FAR1: variants seen among roughly 807,000 people sequenced by gnomAD.
FAR1 encodes the protein male sterility domain-containing protein 2.
In FAR1, 22 loss-of-function variants were observed where a neutral mutation model predicts 61.1. That is an observed-to-expected ratio of 0.36 (90% confidence interval 0.26 to 0.51). The LOEUF is 0.51. Among genes scored for constraint, FAR1 ranks in the 20% least tolerant of loss-of-function variants. The probability of loss-of-function intolerance (pLI) is 0.95; values close to 1 mark genes in which losing one functional copy is unlikely to be tolerated. For synonymous variants in FAR1, 206 were observed against 209.7 expected, an observed-to-expected ratio of 0.98 and a Z score of 0.15; for missense variants, 359 against 626.9, an observed-to-expected ratio of 0.57 and a Z score of 4.56.
chr11:13,720,233 A>G (rs1036413372), intron 9 of FAR1: 1 of 152,186 alleles, frequency 6.6e-6, no homozygotes, highest in African/African-American at 2.4e-5. Flanking sequence ...TCAGTGAACA[A>G]GAGTTAAGAA....
intron 8 of FAR1, 32 bp from the exon 9 acceptor site, chr11:13,714,477 A>G: frequency 6.3e-7 from 1 of 1,576,066 alleles, no homozygotes; most frequent in Non-Finnish European, 8.6e-7. Context: ...CATGGTTATT[A>G]TCAAAGCTGT....
intron 3 of FAR1, among the ~76,000 whole-genome samples, chr11:13,704,448 T>C (rs919794936): frequency 1.3e-5 from 2 of 152,166 alleles, no homozygotes; most frequent in African/African-American, 4.8e-5. Flanking sequence ...TATCAAACTT[T>C]AGAATGTATT....
Position 13,721,928 on chromosome 11 carries a change from T to C in FAR1, c.1257+69T>C. Reference sequence around the variant, plus strand: ...ACTAATTACAGAACTATTAGCAACCTGAGAAATATTTTCCACAGCTATTAT... The same window carrying C: ...ACTAATTACAGAACTATTAGCAACCCGAGAAATATTTTCCACAGCTATTAT... On this transcript the variant is annotated intron_variant, in intron 10 of 11. Transcript: ENST00000354817. This position sits in a 1 kb window ranked among gnomAD's most constrained non-coding sequence, Gnocchi z 4.2. The C allele has an allele frequency of 7.7e-7, 1 of 1,306,140 alleles. No homozygotes were observed. Among genetic ancestry groups the C allele is most frequent in the Non-Finnish European group, 1.0e-6 (1 of 952,724 alleles). 80.9% of individuals were successfully genotyped at this position (1,306,140 alleles called of 1,614,324 possible). A position where few individuals can be genotyped will look rare whatever the true frequency, so the allele number is the denominator to read the frequency against.
chr11:13,675,810 A>G (rs1009799661), intron 1 of FAR1, among the ~76,000 whole-genome samples: 11 of 152,216 alleles, frequency 7.2e-5, no homozygotes, highest in African/African-American at 2.7e-4. Context: ...CTTGTCTTAC[A>G]TGAAATTTTT....
intron 10 of FAR1, among the ~76,000 whole-genome samples, chr11:13,722,335 G>GACT (rs1848618555): frequency 6.6e-6 from 1 of 152,108 alleles, no homozygotes; most frequent in Admixed American, 6.5e-5. Context: ...ATCTAACACA[G>GACT]ACTAAGTTAA....
intron 1 of FAR1, among the ~76,000 whole-genome samples, chr11:13,683,780 A>G (rs1327608883): frequency 6.6e-6 from 1 of 152,210 alleles, no homozygotes; most frequent in East Asian, 1.9e-4. Flanking sequence ...TTCCAGGTAT[A>G]GCTATAGGTG....
intron 10 of FAR1, among the ~76,000 whole-genome samples, chr11:13,725,632 G>A (rs1169979300): frequency 6.6e-6 from 1 of 152,136 alleles, no homozygotes; most frequent in Non-Finnish European, 1.5e-5. Flanking sequence ...ATGTACTCTA[G>A]TGAGTTCCTG....
chr11:13,672,450 G>C (rs571660909), intron 1 of FAR1, among the ~76,000 whole-genome samples: 2 of 151,894 alleles, frequency 1.3e-5, no homozygotes, highest in African/African-American at 4.8e-5. Flanking sequence ...CAGCTACTTG[G>C]GGGGCTGAGA....
At chr11:13,678,724 C>T (rs7129719) in intron 1 of FAR1, among the ~76,000 whole-genome samples, 83,597 of 151,492 alleles carry the variant, frequency 0.55, 23,321 homozygotes, top group Non-Finnish European at 0.58. Context: ...TTTAGTGGGT[C>T]TTTTTTTTGT....
chr11:13,672,388 CA>C (rs34030723), intron 1 of FAR1, among the ~76,000 whole-genome samples: 443 of 128,720 alleles, frequency 3.4e-3, no homozygotes, highest in Non-Finnish European at 4.0e-3. Flanking sequence ...CTTTTCTATC[CA>C]AAAAAAAAAA....
At chr11:13,682,433 C>G (rs1419277463) in intron 1 of FAR1, among the ~76,000 whole-genome samples, 1 of 152,066 alleles carries the variant, frequency 6.6e-6, no homozygotes, top group African/African-American at 2.4e-5. Flanking sequence ...CAGCCACACC[C>G]ATTCATTTAT....
chr11:13,678,310 G>A (rs1394515667), intron 1 of FAR1, among the ~76,000 whole-genome samples: 1 of 152,156 alleles, frequency 6.6e-6, no homozygotes, highest in Non-Finnish European at 1.5e-5. Flanking sequence ...TGTCGCCCAG[G>A]AGGGAGTGCA....
chr11:13,698,756 G>C (rs538278870), intron 2 of FAR1, among the ~76,000 whole-genome samples: 7 of 151,728 alleles, frequency 4.6e-5, no homozygotes, highest in African/African-American at 1.7e-4. Context: ...GTGTGAACCC[G>C]TGAGGTGGAG....
At chr11:13,681,741 C>A (rs1364538709) in intron 1 of FAR1, among the ~76,000 whole-genome samples, 1 of 152,172 alleles carries the variant, frequency 6.6e-6, no homozygotes, top group African/African-American at 2.4e-5. Context: ...GAGCCCTTTA[C>A]AAATTCCTAA....
intron 4 of FAR1, 68 bp from the exon 5 acceptor site, chr11:13,710,625 C>A: frequency 2.2e-6 from 3 of 1,373,590 alleles, no homozygotes; most frequent in South Asian, 1.5e-5. Context: ...GTGCGAAGTT[C>A]AATTAAGTAG....
intron 2 of FAR1, among the ~76,000 whole-genome samples, chr11:13,698,950 GCTTTT>G (rs1208852575): frequency 6.6e-6 from 1 of 152,114 alleles, no homozygotes; most frequent in East Asian, 1.9e-4. Context: ...AACTCTAGCT[GCTTTT>G]CCTGCATACT....
chr11:13,677,119 A>G (rs879843714), intron 1 of FAR1, among the ~76,000 whole-genome samples: 13 of 152,206 alleles, frequency 8.5e-5, no homozygotes, highest in Non-Finnish European at 1.0e-4. Flanking sequence ...AAGGAAGTAT[A>G]TTAACTTTAG....
Position 13,728,810 on chromosome 11 carries a change from T to C in FAR1, c.*36T>C, listed in dbSNP as rs765581133. The C allele has an allele frequency of 4.4e-5, 68 of 1,562,852 alleles. No homozygotes were observed. In the Middle Eastern group the frequency reaches 6.8e-4, roughly 16 times the overall value. On this transcript the variant is annotated 3_prime_UTR_variant, in exon 12 of 12. Coordinates refer to ENST00000354817, the MANE Select transcript of FAR1 (RefSeq NM_032228.6). Reference sequence around the variant, plus strand: ...TTCAGCATTAGAACATCTATACATATGGTGATCTAAATGTACAAAATGTAA... The same window carrying C: ...TTCAGCATTAGAACATCTATACATACGGTGATCTAAATGTACAAAATGTAA...
chr11:13,673,787 A>G (rs1391109606), intron 1 of FAR1, among the ~76,000 whole-genome samples: 3 of 152,222 alleles, frequency 2.0e-5, no homozygotes, highest in African/African-American at 4.8e-5. Context: ...AATGGTTACT[A>G]TGTCTTAAAT....
Sources: allele counts gnomAD v4.1 joint callset (sites outside exome capture counted in the v4.1 genomes callset), GRCh38; gene constraint gnomAD v4.1.1; non-coding constraint Gnocchi (gnomAD v3.1); transcripts MANE v1.5; gene names NCBI Gene and HGNC (gene_info 2026-07-23, HGNC 2026-07-21).